SEMA3D: variants seen among roughly 807,000 people sequenced by gnomAD.
SEMA3D encodes semaphorin 3D, also known as semaphorin-3D.
In SEMA3D, 84 loss-of-function variants were observed where a neutral mutation model predicts 100.1. The observed-to-expected ratio is 0.84, with a 90% CI of 0.70 to 1.01. SEMA3D has a LOEUF of 1.01. SEMA3D is among the 50% of genes least tolerant of loss of function. The pLI is 0.00. For synonymous variants in SEMA3D, 312 were observed against 320.7 expected (o/e 0.97, Z 0.29); for missense variants, 875 against 934.1 (o/e 0.94, Z 0.82).
intron 12 of SEMA3D, among the ~76,000 whole-genome samples, chr7:85,029,975 C>T (rs948920299): frequency 1.3e-5 from 2 of 151,852 alleles, no homozygotes; most frequent in Non-Finnish European, 2.9e-5. Flanking sequence ...ACAACCTCCA[C>T]CCCTGAATAA....
rs1268084561 is a variant in SEMA3D, at chr7:85,142,347, A to T, written c.-41+11261T>A. 13 of 940,594 alleles carry T rather than the reference A, an allele frequency of 1.4e-5. No homozygotes were observed. The East Asian group carries it at 9.3e-4, about 67-fold the overall frequency. 58.3% of individuals were successfully genotyped at this position (940,594 alleles called of 1,614,324 possible). A position where few individuals can be genotyped will look rare whatever the true frequency, so the allele number is the denominator to read the frequency against. On this transcript the variant is annotated intron_variant, in intron 2 of 18. Transcript: ENST00000284136. ...CCAAAGTTAATTCCATATGAATTTT[A>T]TTGCTTTAAAATCAAAATTTATTTC...
At chr7:85,186,549 T>C (rs1178255216) in intron 1 of SEMA3D, 129 bp downstream of exon 1, 3 of 152,274 alleles carry the variant, frequency 2.0e-5, no homozygotes, top group Admixed American at 2.0e-4. Context: ...CGGTTCCTTA[T>C]CTCCCAAACC....
the SEMA3D span, among the ~76,000 whole-genome samples, chr7:85,211,064 A>G: frequency 6.6e-6 from 1 of 152,078 alleles, no homozygotes; most frequent in Non-Finnish European, 1.5e-5. Context: ...AAATAAATGT[A>G]AAAGGATTCC....
At chr7:85,245,680 A>G in the SEMA3D span, among the ~76,000 whole-genome samples, 4 of 152,206 alleles carry the variant, frequency 2.6e-5, no homozygotes, top group Admixed American at 2.6e-4. Context: ...ATATGTGAGT[A>G]ATTATCAATC....
At chr7:85,168,873 G>GA (rs983636407) in intron 1 of SEMA3D, among the ~76,000 whole-genome samples, 23 of 133,526 alleles carry the variant, frequency 1.7e-4, no homozygotes, top group Non-Finnish European at 3.1e-4. Flanking sequence ...AAGAAAGAAA[G>GA]AAAGAAAAGA....
At chr7:85,059,556 A>T (rs949823363) in intron 8 of SEMA3D, among the ~76,000 whole-genome samples, 1 of 152,194 alleles carries the variant, frequency 6.6e-6, no homozygotes, top group African/African-American at 2.4e-5. Context: ...AAAATGATTG[A>T]ATTGAATTTA....
chr7:85,018,407 T>C (rs1281741298), intron 14 of SEMA3D, 114 bp from the exon 15 acceptor site: 6 of 684,560 alleles, frequency 8.8e-6, no homozygotes, highest in African/African-American at 1.8e-5. Flanking sequence ...AAGTCTCTGT[T>C]ACATAAGGAA....
chr7:85,168,639 T>TTA (rs1229917710), intron 1 of SEMA3D, among the ~76,000 whole-genome samples: 17 of 129,982 alleles, frequency 1.3e-4, no homozygotes, highest in Non-Finnish European at 2.8e-4. Flanking sequence ...TTTTTTTTTT[T>TTA]AATTTTAATT....
chr7:85,060,772 T>A (rs1791456422), intron 8 of SEMA3D, among the ~76,000 whole-genome samples: 1 of 152,202 alleles, frequency 6.6e-6, no homozygotes, highest in Non-Finnish European at 1.5e-5. Context: ...TTTCCTATTA[T>A]CATTTTTTGA....
intron 14 of SEMA3D, 136 bp from the exon 15 acceptor site, chr7:85,018,429 A>G: frequency 1.6e-6 from 1 of 614,366 alleles, no homozygotes; most frequent in South Asian, 2.1e-5. Flanking sequence ...TAAAGTTCTT[A>G]TTGTTTGCTA....
In SEMA3D at chr7:84,999,521, C is replaced by G; in HGVS notation, c.2253G>C (p.Lys751Asn). ...GTTTCTTCTTCATTTCCTGCATGTG[C>G]TTCCACTTTGGGCCCCCCTTGTTTC... ...RQRNKGGPKW[K>N]HMQEMKKKRN... Residue 751 changes from lysine to asparagine, a missense_variant, in exon 19 of 19, where the codon AAG becomes AAC. By Grantham distance (94) the Lys-to-Asn change is moderately conservative. Transcript: ENST00000284136. 1.2e-6 allele frequency: 2 copies of G among 1,614,074 alleles called. No homozygotes were observed. The highest frequency in any genetic ancestry group is 2.2e-5 in the South Asian group (2 of 91,084).
chr7:85,200,289 T>C, the SEMA3D span, among the ~76,000 whole-genome samples: 1 of 152,210 alleles, frequency 6.6e-6, no homozygotes, highest in Non-Finnish European at 1.5e-5. Flanking sequence ...TGGAACTTCC[T>C]AGAGACTTGT....
intron 4 of SEMA3D, among the ~76,000 whole-genome samples, chr7:85,088,706 AG>A (rs1263410218): frequency 6.6e-6 from 1 of 152,152 alleles, no homozygotes; most frequent in East Asian, 1.9e-4. Context: ...TTGTTACAGA[AG>A]GGAAGTTTAA....
intron 3 of SEMA3D, among the ~76,000 whole-genome samples, chr7:85,120,972 C>T (rs978198656): frequency 2.0e-5 from 3 of 152,142 alleles, no homozygotes; most frequent in African/African-American, 2.4e-5. Context: ...ATTGGTATTT[C>T]GTTTGTCTAT....
At chr7:85,168,149 T>A (rs1173869331) in intron 1 of SEMA3D, among the ~76,000 whole-genome samples, 1 of 151,846 alleles carries the variant, frequency 6.6e-6, no homozygotes, top group East Asian at 1.9e-4. Flanking sequence ...GCTCTTATTA[T>A]TTTTTAAAGA....
At chr7:85,128,007 A>G (rs1199844498) in intron 2 of SEMA3D, among the ~76,000 whole-genome samples, 3 of 151,788 alleles carry the variant, frequency 2.0e-5, no homozygotes, top group African/African-American at 7.2e-5. Context: ...AAATATTCTG[A>G]TATGTGCCTC....
chr7:85,013,306 T>C (rs927365595), intron 16 of SEMA3D, among the ~76,000 whole-genome samples: 1 of 151,754 alleles, frequency 6.6e-6, no homozygotes, highest in Non-Finnish European at 1.5e-5. Context: ...CATTATTGCA[T>C]AGATTTAATT....
the SEMA3D span, among the ~76,000 whole-genome samples, chr7:85,236,853 C>T: frequency 6.6e-6 from 1 of 152,078 alleles, no homozygotes; most frequent in Non-Finnish European, 1.5e-5. Flanking sequence ...AGAACAGGCA[C>T]AGGATGCTAG....
At chr7:85,108,749 G>A (rs1415577922) in intron 3 of SEMA3D, among the ~76,000 whole-genome samples, 2 of 151,880 alleles carry the variant, frequency 1.3e-5, no homozygotes, top group Non-Finnish European at 2.9e-5. Flanking sequence ...TTTATGCAAT[G>A]TGGCCACAGT....
Sources: gnomAD v4.1 joint callset for allele counts (sites outside exome capture counted in the v4.1 genomes callset) on GRCh38, gnomAD v4.1.1 for gene constraint, MANE v1.5 for transcripts, NCBI Gene and HGNC (gene_info 2026-07-23, HGNC 2026-07-21) for gene names.